NEK10: variants seen among roughly 807,000 people sequenced by gnomAD.
NEK10 encodes serine/threonine-protein kinase Nek10.
NEK10 carries 122 observed loss-of-function variants against 159.8 expected under a neutral mutation model. The ratio of observed to expected loss-of-function variants is 0.76; its 90% CI spans 0.66 to 0.89. The LOEUF (loss-of-function observed/expected upper bound fraction) is 0.89, where lower values mean the gene tolerates loss of function less well. NEK10 is among the 40% of genes least tolerant of loss of function. The pLI is 0.00. For missense variants in NEK10, 1,342 were observed against 1,323.1 expected (o/e 1.01, Z -0.22); for synonymous variants, 466 against 457.1 (o/e 1.02, Z -0.25).
intron 30 of NEK10, among the ~76,000 whole-genome samples, chr3:27,144,070 G>A (rs530933135): frequency 5.1e-4 from 77 of 152,202 alleles, no homozygotes; most frequent in African/African-American, 1.6e-3. Flanking sequence ...CAGTCTGTCC[G>A]TCCTCCCTTC....
intron 35 of NEK10, among the ~76,000 whole-genome samples, chr3:27,112,072 C>G (rs573129864): frequency 1.4e-4 from 22 of 152,292 alleles, no homozygotes; most frequent in African/African-American, 4.3e-4. Context: ...CAACCTTGGT[C>G]AGAGGTCCTT....
At chr3:27,295,555 CAT>C in intron 15 of NEK10, 56 bp downstream of exon 15, 1 of 1,519,172 alleles carries the variant, frequency 6.6e-7, no homozygotes, top group Non-Finnish European at 8.9e-7. Context: ...ATCATTTTAC[CAT>C]AGTTACCCAA....
At chr3:27,250,567 A>G (rs1955547504) in intron 23 of NEK10, among the ~76,000 whole-genome samples, 1 of 152,180 alleles carries the variant, frequency 6.6e-6, no homozygotes, top group Non-Finnish European at 1.5e-5. Context: ...TTCTGATTGA[A>G]GAACCCCCTT....
At chr3:27,319,797 C>A (rs2045484899) in intron 6 of NEK10, among the ~76,000 whole-genome samples, 3 of 152,150 alleles carry the variant, frequency 2.0e-5, no homozygotes. Flanking sequence ...ATAGCTCCCA[C>A]TGGGATGGCC....
At chr3:27,291,189 T>A (rs1385711058) in intron 18 of NEK10, 73 bp downstream of exon 18, 1 of 1,364,040 alleles carries the variant, frequency 7.3e-7, no homozygotes, top group African/African-American at 1.5e-5. Context: ...CTAATTCAAT[T>A]GAATATCGGT....
rs189958742 is a variant in NEK10, at chr3:27,201,897, G to A, written c.2221-317C>T. Among the ~76,000 whole-genome samples the A allele has an allele frequency of 7.7e-3, 1,169 of 152,222 alleles. 6 individuals carry two copies. The highest frequency in any genetic ancestry group is 0.02 in the Middle Eastern group (6 of 294). Reference sequence around the variant, plus strand: ...AGACCAGCTGGGCGCAGTGGCTCACGTCTATAATCCCAGCAGTTTGGGAGG... The same window carrying A: ...AGACCAGCTGGGCGCAGTGGCTCACATCTATAATCCCAGCAGTTTGGGAGG... On this transcript the variant is annotated intron_variant, in intron 24 of 35. Transcript: ENST00000691995.
In NEK10 at chr3:27,109,271, C is replaced by G. The variant is rs748063371; in HGVS notation, c.*2001G>C. On this transcript the variant is annotated 3_prime_UTR_variant, in exon 36 of 36. Coordinates refer to ENST00000691995, the MANE Select transcript of NEK10 (RefSeq NM_001394966.1). ...GCACATGCCTGTAATCCCAGTTACT[C>G]GGGAGGCTGAGGCAGGAGAATTGCT... 6.6e-6 allele frequency among the ~76,000 whole-genome samples: 1 copy of G among 150,554 alleles called. No individual in the cohort carries two copies. The highest frequency in any genetic ancestry group is 2.4e-5 in the African/African-American group (1 of 41,056).
intron 23 of NEK10, among the ~76,000 whole-genome samples, chr3:27,241,770 G>A (rs143815112): frequency 3.6e-4 from 55 of 152,310 alleles, no homozygotes; most frequent in Admixed American, 2.2e-3. Flanking sequence ...AAGAAACCCA[G>A]CAAGGTTAGG....
At chr3:27,243,371 C>A (rs1954749073) in intron 23 of NEK10, among the ~76,000 whole-genome samples, 1 of 151,952 alleles carries the variant, frequency 6.6e-6, no homozygotes, top group Non-Finnish European at 1.5e-5. Flanking sequence ...TTAAATGTAG[C>A]CCTGCAAAAT....
At chr3:27,144,288 C>T (rs1054779982) in intron 30 of NEK10, among the ~76,000 whole-genome samples, 7 of 152,184 alleles carry the variant, frequency 4.6e-5, no homozygotes, top group African/African-American at 1.7e-4. Flanking sequence ...TACTATGTGT[C>T]CTGGATGCAC....
chr3:27,261,979 G>A (rs560237583), intron 22 of NEK10, among the ~76,000 whole-genome samples: 5 of 152,174 alleles, frequency 3.3e-5, no homozygotes, highest in Non-Finnish European at 7.4e-5. Flanking sequence ...ATTATGTAAT[G>A]GCCTTCTTTG....
chr3:27,328,062 G>T (rs1215687275), intron 5 of NEK10, among the ~76,000 whole-genome samples: 2 of 151,914 alleles, frequency 1.3e-5, no homozygotes, highest in East Asian at 1.9e-4. Context: ...ACTAAATCTA[G>T]CATGAAATGT....
At chr3:27,340,631 G>T (rs578238249) in intron 5 of NEK10, among the ~76,000 whole-genome samples, 2 of 152,262 alleles carry the variant, frequency 1.3e-5, no homozygotes, top group African/African-American at 4.8e-5. Context: ...AATCATCAGA[G>T]AAATGCAAAT....
intron 5 of NEK10, among the ~76,000 whole-genome samples, chr3:27,339,067 A>AT (rs375156563): frequency 1.0e-3 from 159 of 152,342 alleles, no homozygotes; most frequent in African/African-American, 3.8e-3. Context: ...TATCCAAAAT[A>AT]TACAAGGAAC....
intron 23 of NEK10, among the ~76,000 whole-genome samples, chr3:27,227,587 T>C (rs1952768573): frequency 6.6e-6 from 1 of 152,204 alleles, no homozygotes; most frequent in South Asian, 2.1e-4. Context: ...CTTGCTCTGC[T>C]GTTCCCTACT....
chr3:27,331,261 A>C lies in NEK10; in HGVS notation c.363-9000T>G, dbSNP rs954548142. 3.4e-5 allele frequency among the ~76,000 whole-genome samples: 5 copies of C among 147,132 alleles called. 1 individual carries two copies. In the South Asian group the frequency reaches 1.1e-3, roughly 32 times the overall value. ...TCAAAAAAAAAAAAACAAAAAAAAA[A>C]AACACACAAACCTAAGACTTTTGAG... On this transcript the variant is annotated intron_variant, in intron 5 of 35. Coordinates refer to ENST00000691995, the MANE Select transcript of NEK10 (RefSeq NM_001394966.1).
intron 8 of NEK10, 111 bp downstream of exon 8, chr3:27,311,988 G>A: frequency 1.4e-6 from 1 of 734,060 alleles, no homozygotes; most frequent in Non-Finnish European, 2.4e-6. Flanking sequence ...CCTGAGCTGT[G>A]TGTGCGAACA....
chr3:27,305,622 A>AT (rs1553627469), intron 11 of NEK10, among the ~76,000 whole-genome samples: 75 of 89,998 alleles, frequency 8.3e-4, no homozygotes, highest in Middle Eastern at 5.8e-3. Flanking sequence ...ACTAAAAAAA[A>AT]AAAAAAAATA....
chr3:27,311,065 G>A (rs1192356664), intron 8 of NEK10, 49 bp from the exon 9 acceptor site: 9 of 1,195,806 alleles, frequency 7.5e-6, no homozygotes, highest in African/African-American at 3.0e-5. Context: ...ATTAAAGGGG[G>A]AGTACTTCCA....
Sources: gnomAD v4.1 joint callset for allele counts (sites outside exome capture counted in the v4.1 genomes callset) on GRCh38, gnomAD v4.1.1 for gene constraint, MANE v1.5 for transcripts, NCBI Gene and HGNC (gene_info 2026-07-23, HGNC 2026-07-21) for gene names.